GPM6A: variants seen among roughly 807,000 people sequenced by gnomAD.
GPM6A encodes the protein neuronal membrane glycoprotein M6-a.
A neutral mutation model predicts 32.1 loss-of-function variants in GPM6A; 7 were observed. The observed-to-expected ratio is 0.22, with a 90% CI of 0.12 to 0.41. The LOEUF is 0.41. GPM6A is among the 10% of genes least tolerant of loss of function. The probability of loss-of-function intolerance (pLI) is 1.00; values close to 1 mark genes in which losing one functional copy is unlikely to be tolerated. For synonymous variants in GPM6A, 130 were observed against 123.4 expected, an observed-to-expected ratio of 1.05 and a Z score of -0.35; for missense variants, 235 against 347.2, an observed-to-expected ratio of 0.68 and a Z score of 2.57.
At chr4:175,683,375 T>C (rs1395700719) in intron 2 of GPM6A, among the ~76,000 whole-genome samples, 2 of 152,168 alleles carry the variant, frequency 1.3e-5, no homozygotes, top group Admixed American at 6.5e-5. Context: ...GTTTGGCTTG[T>C]CTAAGATGAG....
intron 2 of GPM6A, among the ~76,000 whole-genome samples, chr4:175,674,736 A>C (rs1487789155): frequency 7.3e-6 from 1 of 137,472 alleles, no homozygotes; most frequent in East Asian, 1.9e-4. Flanking sequence ...GCGAATAATG[A>C]AAAGATATGG....
chr4:176,002,230 A>C, intron 1 of GPM6A: 74 of 1,339,354 alleles, frequency 5.5e-5, no homozygotes, highest in Non-Finnish European at 6.9e-5. Flanking sequence ...AGGCCGAGGA[A>C]CATTCATTTT....
intron 1 of GPM6A, among the ~76,000 whole-genome samples, chr4:175,789,062 A>T (rs1343908626): frequency 6.6e-6 from 1 of 152,178 alleles, no homozygotes; most frequent in Non-Finnish European, 1.5e-5. Flanking sequence ...CTGTAAAAAG[A>T]GTCTGCATTT....
At chr4:175,655,091 C>A (rs1268842570) in intron 3 of GPM6A, among the ~76,000 whole-genome samples, 1 of 152,106 alleles carries the variant, frequency 6.6e-6, no homozygotes, top group Non-Finnish European at 1.5e-5. Flanking sequence ...ACTTCTGAAA[C>A]CACAGGACTG....
At chr4:175,671,477 GAAAAAAAAAAAAAAA>G (rs544889132) in intron 3 of GPM6A, among the ~76,000 whole-genome samples, 23 of 24,408 alleles carry the variant, frequency 9.4e-4, no homozygotes, top group Middle Eastern at 0.029. Flanking sequence ...GCCTACAAAC[GAAAAAAAAAAAAAAA>G]AAAAAAAAAA....
chr4:175,965,671 T>C (rs866398823), intron 1 of GPM6A, among the ~76,000 whole-genome samples: 3 of 151,512 alleles, frequency 2.0e-5, no homozygotes, highest in Admixed American at 1.3e-4. Context: ...TGGAGCACAG[T>C]GGTGCAATCT....
At chr4:175,961,188 TATC>T (rs1740150894) in intron 1 of GPM6A, 1 of 152,204 alleles carries the variant, frequency 6.6e-6, no homozygotes, top group Non-Finnish European at 1.5e-5. Flanking sequence ...ATTGGAAACT[TATC>T]ATCCTCTCGA....
intron 1 of GPM6A, among the ~76,000 whole-genome samples, chr4:175,885,853 T>G (rs777703864): frequency 6.6e-6 from 1 of 152,212 alleles, no homozygotes; most frequent in Non-Finnish European, 1.5e-5. Context: ...ATTTTAGATA[T>G]GTATGTTTTG....
chr4:175,951,092 C>A (rs1230624707), intron 1 of GPM6A, among the ~76,000 whole-genome samples: 1 of 152,100 alleles, frequency 6.6e-6, no homozygotes, highest in Admixed American at 6.5e-5. Context: ...ATCTCTGCAA[C>A]CTAGAAATTA....
At chr4:175,663,538 A>G (rs1042330037) in intron 3 of GPM6A, among the ~76,000 whole-genome samples, 10 of 152,192 alleles carry the variant, frequency 6.6e-5, no homozygotes, top group Non-Finnish European at 1.0e-4. Context: ...TGTTCTCAAT[A>G]CAAAAAACCA....
intron 1 of GPM6A, among the ~76,000 whole-genome samples, chr4:175,997,060 A>C (rs1413509633): frequency 6.6e-6 from 1 of 152,032 alleles, no homozygotes; most frequent in Non-Finnish European, 1.5e-5. Flanking sequence ...CGTAGTCAAC[A>C]GCTGGCATCA....
intron 1 of GPM6A, among the ~76,000 whole-genome samples, chr4:175,887,593 C>A (rs897418149): frequency 4.0e-5 from 6 of 151,618 alleles, no homozygotes; most frequent in African/African-American, 1.5e-4. Flanking sequence ...CGAGAAAGAA[C>A]ATTTTCAAAC....
chr4:175,904,170 TA>T (rs1171330530), intron 1 of GPM6A, among the ~76,000 whole-genome samples: 2 of 151,972 alleles, frequency 1.3e-5, no homozygotes, highest in Non-Finnish European at 2.9e-5. Flanking sequence ...TCATTCTTAA[TA>T]AAAAAAGTTT....
intron 1 of GPM6A, among the ~76,000 whole-genome samples, chr4:175,708,881 C>T (rs959927706): frequency 3.3e-5 from 5 of 152,066 alleles, no homozygotes. Context: ...TTTCAATGCC[C>T]TGGGAGAGTC....
rs976646852 is a variant in GPM6A, at chr4:175,835,793, T to C, written c.-22-23544A>G. 7.4e-5 allele frequency among the ~76,000 whole-genome samples: 11 copies of C among 147,984 alleles called. No homozygotes were observed. The South Asian group carries it at 1.7e-3, about 23-fold the overall frequency. ...ACATTATATAATAAAGCATATATAA[T>C]ATATACTTTATAAACCTGTTATATA... On this transcript the variant is annotated intron_variant, in intron 1 of 7. Coordinates refer to the GPM6A transcript ENST00000280187.
At chr4:175,905,914 T>C (rs1252920424) in intron 1 of GPM6A, among the ~76,000 whole-genome samples, 3 of 152,170 alleles carry the variant, frequency 2.0e-5, no homozygotes, top group African/African-American at 7.2e-5. Context: ...AGTTTCTTTC[T>C]CAATTAGATT....
At position 175,837,630 on chromosome 4, in the gene GPM6A, G is replaced by A. The variant is rs189146330; in HGVS notation, c.-22-25381C>T. Among the ~76,000 whole-genome samples the A allele has an allele frequency of 1.5e-4, 23 of 152,256 alleles. No individual in the cohort carries two copies. The East Asian group carries it at 4.3e-3, about 28-fold the overall frequency. On this transcript the variant is annotated intron_variant, in intron 1 of 7. Coordinates refer to the GPM6A transcript ENST00000280187. ...GGTAGGTGAGAAAGAGTTAAGGCTGGCACCAGGGTTCTAAGCCTGAGCACT... is the reference window on the plus strand; with the variant it reads ...GGTAGGTGAGAAAGAGTTAAGGCTGACACCAGGGTTCTAAGCCTGAGCACT...
chr4:175,683,438 T>A (rs761163926), intron 2 of GPM6A, among the ~76,000 whole-genome samples: 57 of 152,120 alleles, frequency 3.7e-4, no homozygotes, highest in Non-Finnish European at 6.2e-4. Flanking sequence ...GGGTGACTGT[T>A]GGGAAGGCAT....
intron 1 of GPM6A, among the ~76,000 whole-genome samples, chr4:175,876,005 T>G (rs543834573): frequency 1.5e-4 from 23 of 152,342 alleles, no homozygotes; most frequent in African/African-American, 5.3e-4. Context: ...AAGCAAGCAC[T>G]GGTTTTATTT....
Sources: allele counts gnomAD v4.1 joint callset (sites outside exome capture counted in the v4.1 genomes callset), GRCh38; gene constraint gnomAD v4.1.1; transcripts MANE v1.5; gene names NCBI Gene and HGNC (gene_info 2026-07-23, HGNC 2026-07-21).